The following GALNTL6 variants were observed in gnomAD, a reference collection of about 807,000 sequenced individuals.
GALNTL6 encodes the protein polypeptide N-acetylgalactosaminyltransferase like 6.
In GALNTL6, 46 loss-of-function variants were observed where a neutral mutation model predicts 73.7. That is an observed-to-expected ratio of 0.62 (90% CI 0.49 to 0.80). GALNTL6 has a LOEUF of 0.80. GALNTL6 is among the 30% of genes least tolerant of loss of function. The pLI is 0.00. For missense variants in GALNTL6, 604 were observed against 755.0 expected, an observed-to-expected ratio of 0.80 and a Z score of 2.34; for synonymous variants, 259 against 263.7, an observed-to-expected ratio of 0.98 and a Z score of 0.17.
intron 5 of GALNTL6, among the ~76,000 whole-genome samples, chr4:172,798,251 C>T (rs1284345447): frequency 1.3e-5 from 2 of 152,174 alleles, no homozygotes; most frequent in Non-Finnish European, 2.9e-5. Flanking sequence ...TATGGTTTGG[C>T]TCTGGGTCCC....
chr4:171,931,717 A>G (rs1447633379), intron 2 of GALNTL6, among the ~76,000 whole-genome samples: 1 of 152,194 alleles, frequency 6.6e-6, no homozygotes, highest in Non-Finnish European at 1.5e-5. Flanking sequence ...ATAACATGAT[A>G]GTTAAGAGGA....
intron 2 of GALNTL6, among the ~76,000 whole-genome samples, chr4:172,180,766 T>C (rs1735216454): frequency 6.6e-6 from 1 of 152,178 alleles, no homozygotes; most frequent in South Asian, 2.1e-4. Context: ...TGTAGATGTG[T>C]GACATTACTT....
chr4:172,392,462 AT>A (rs5864134), intron 5 of GALNTL6, among the ~76,000 whole-genome samples: 115,506 of 146,592 alleles, frequency 0.79, 45,506 homozygotes, highest in Non-Finnish European at 0.84. Flanking sequence ...TTTCTTATTC[AT>A]TTTTTTTTTT....
At chr4:172,897,480 C>T (rs539472700) in intron 8 of GALNTL6, among the ~76,000 whole-genome samples, 1 of 152,314 alleles carries the variant, frequency 6.6e-6, no homozygotes, top group Non-Finnish European at 1.5e-5. Context: ...TGTCAGTGGG[C>T]AGATGAGCCT....
intron 5 of GALNTL6, among the ~76,000 whole-genome samples, chr4:172,522,359 T>C (rs2110820487): frequency 1.3e-5 from 2 of 152,304 alleles, no homozygotes; most frequent in South Asian, 4.1e-4. Context: ...TCTTCCATTC[T>C]CTGGTTACCA....
intron 7 of GALNTL6, among the ~76,000 whole-genome samples, chr4:172,845,483 A>G (rs1322439586): frequency 6.6e-6 from 1 of 152,186 alleles, no homozygotes; most frequent in Admixed American, 6.5e-5. Context: ...GCTGCAATTC[A>G]GAGTTTGCAA....
At chr4:172,840,652 A>G (rs905663158) in intron 7 of GALNTL6, among the ~76,000 whole-genome samples, 3 of 152,260 alleles carry the variant, frequency 2.0e-5, no homozygotes, top group Non-Finnish European at 2.9e-5. Context: ...TTCATTGTGC[A>G]GTAGCACCAT....
rs200022016 is a variant in GALNTL6 at position 171,907,046 on chromosome 4, T to C, written c.138+92328T>C. Reference sequence around the variant, plus strand: ...AACCCACAGCCAATATCATACTGAATGGGCAAAAACTGGAAGCATTCCTTT... The same window carrying C: ...AACCCACAGCCAATATCATACTGAACGGGCAAAAACTGGAAGCATTCCTTT... On this transcript the variant is annotated intron_variant, in intron 2 of 12. Transcript: ENST00000506823. Among the ~76,000 whole-genome samples the C allele has an allele frequency of 5.3e-5, 8 of 152,208 alleles. No homozygotes were observed. The East Asian group carries it at 1.5e-3, about 29-fold the overall frequency.
intron 5 of GALNTL6, among the ~76,000 whole-genome samples, chr4:172,542,084 G>A (rs1326807941): frequency 2.0e-5 from 3 of 151,676 alleles, no homozygotes; most frequent in Admixed American, 2.0e-4. Context: ...AGCTTTAACA[G>A]GGAGAAGAGA....
chr4:172,698,346 G>A (rs1733813564), intron 5 of GALNTL6, among the ~76,000 whole-genome samples: 1 of 152,044 alleles, frequency 6.6e-6, no homozygotes, highest in Non-Finnish European at 1.5e-5. Context: ...CTTGACACAG[G>A]CAATATCAGT....
At chr4:172,480,742 G>A (rs1231258673) in intron 5 of GALNTL6, among the ~76,000 whole-genome samples, 9 of 152,224 alleles carry the variant, frequency 5.9e-5, no homozygotes, top group Admixed American at 5.9e-4. Flanking sequence ...GTGGTCAGAT[G>A]TGGATTAGGC....
chr4:172,778,134 G>A (rs1415167653), intron 5 of GALNTL6, among the ~76,000 whole-genome samples: 7 of 152,236 alleles, frequency 4.6e-5, no homozygotes, highest in Non-Finnish European at 8.8e-5. Flanking sequence ...GGCCATTGAC[G>A]TATTCATTTT....
intron 2 of GALNTL6, among the ~76,000 whole-genome samples, chr4:172,067,056 C>G (rs1351023447): frequency 1.3e-5 from 2 of 151,852 alleles, no homozygotes; most frequent in Non-Finnish European, 1.5e-5. Flanking sequence ...TTAATCCCTC[C>G]ACTTTCACCA....
chr4:172,578,242 C>A (rs1325270243), intron 5 of GALNTL6, among the ~76,000 whole-genome samples: 1 of 151,918 alleles, frequency 6.6e-6, no homozygotes, highest in East Asian at 1.9e-4. Context: ...TAAATATTTC[C>A]ATGTTGTTGC....
intron 5 of GALNTL6, among the ~76,000 whole-genome samples, chr4:172,783,763 C>T (rs1465198180): frequency 1.3e-5 from 2 of 151,812 alleles, no homozygotes. Flanking sequence ...AGTGATAAGC[C>T]CTGTTCAGCA....
chr4:171,909,756 T>C (rs1489535052), intron 2 of GALNTL6, among the ~76,000 whole-genome samples: 9 of 152,198 alleles, frequency 5.9e-5, no homozygotes, highest in Non-Finnish European at 1.3e-4. Flanking sequence ...TAACTCCTTG[T>C]ATTATATTAA....
intron 10 of GALNTL6, 120 bp from the exon 11 acceptor site, chr4:173,009,058 T>C: frequency 1.4e-6 from 1 of 696,574 alleles, no homozygotes; most frequent in Non-Finnish European, 2.6e-6. Context: ...AAGGTCTCAT[T>C]CAATATGCAT....
intron 2 of GALNTL6, among the ~76,000 whole-genome samples, chr4:171,929,214 AC>A (rs1005304029): frequency 6.6e-6 from 1 of 151,998 alleles, no homozygotes; most frequent in African/African-American, 2.4e-5. Flanking sequence ...CTAGAGGCCC[AC>A]GCCACCATGC....
chr4:173,011,866 G>C (rs759711926), intron 11 of GALNTL6, among the ~76,000 whole-genome samples: 1 of 152,194 alleles, frequency 6.6e-6, no homozygotes, highest in Non-Finnish European at 1.5e-5. Context: ...AAAGGGAAAA[G>C]ATAGTGGGCA....
Sources: gnomAD v4.1 joint callset for allele counts (sites outside exome capture counted in the v4.1 genomes callset) on GRCh38, gnomAD v4.1.1 for gene constraint, MANE v1.5 for transcripts, NCBI Gene and HGNC (gene_info 2026-07-23, HGNC 2026-07-21) for gene names.